The following CFI variants were observed in gnomAD, a reference collection of about 807,000 sequenced individuals.
CFI encodes C3B/C4B inactivator.
CFI carries 66 observed loss-of-function variants against 78.8 expected under a neutral mutation model. That is an observed-to-expected ratio of 0.84 (90% CI 0.69 to 1.03). The LOEUF is 1.03. Among genes scored for constraint, CFI ranks in the 50% least tolerant of loss-of-function variants. The probability of loss-of-function intolerance (pLI) is 0.00; values close to 1 mark genes in which losing one functional copy is unlikely to be tolerated. For missense variants in CFI, 706 were observed against 704.5 expected, an observed-to-expected ratio of 1.00 and a Z score of -0.02; for synonymous variants, 250 against 232.6, an observed-to-expected ratio of 1.07 and a Z score of -0.68.
chr4:109,764,418 C>T (rs1366823717), intron 3 of CFI, 119 bp downstream of exon 3: 2 of 1,126,252 alleles, frequency 1.8e-6, no homozygotes, highest in Non-Finnish European at 1.3e-6. Flanking sequence ...CTATGATGCA[C>T]ATAGTTAATT....
In CFI at chr4:109,770,096, G is replaced by A. The variant is rs560771372; in HGVS notation, c.58-3272C>T. On this transcript the variant is annotated intron_variant, in intron 1 of 12. Coordinates refer to ENST00000394634, the MANE Select transcript of CFI (RefSeq NM_000204.5). Reference sequence around the variant, plus strand: ...ACCTCACTCTGTTACATAAAATTACGGGAAGCCATTTTTTTAAACTGTACT... The same window carrying A: ...ACCTCACTCTGTTACATAAAATTACAGGAAGCCATTTTTTTAAACTGTACT... Among the ~76,000 whole-genome samples, 8 of 152,246 alleles carry A rather than the reference G, an allele frequency of 5.3e-5. No individual in the cohort carries two copies. The East Asian group carries it at 7.7e-4, about 15-fold the overall frequency.
chr4:109,786,833 A>C (rs1730808092), intron 1 of CFI, among the ~76,000 whole-genome samples: 1 of 152,152 alleles, frequency 6.6e-6, no homozygotes, highest in Admixed American at 6.5e-5. Flanking sequence ...ATAAATGTGA[A>C]TATGATAATG....
chr4:109,756,470 G>A (rs1219803765), intron 7 of CFI, among the ~76,000 whole-genome samples: 1 of 151,250 alleles, frequency 6.6e-6, no homozygotes, highest in African/African-American at 2.4e-5. Context: ...GGAGGAGGAG[G>A]AACAGCAGCT....
At chr4:109,742,964 T>C (rs1189660328) in intron 11 of CFI, among the ~76,000 whole-genome samples, 3 of 152,212 alleles carry the variant, frequency 2.0e-5, no homozygotes, top group Non-Finnish European at 4.4e-5. Context: ...CCTTATTTCC[T>C]TGAGAATGTT....
At chr4:109,766,883 T>A in intron 1 of CFI, 59 bp from the exon 2 acceptor site, 2 of 1,571,414 alleles carry the variant, frequency 1.3e-6, no homozygotes, top group Non-Finnish European at 1.7e-6. Flanking sequence ...TGTTTGAAGA[T>A]GAGTAAGTGA....
chr4:109,794,505 T>C (rs1349981411), intron 1 of CFI: 2 of 152,178 alleles, frequency 1.3e-5, no homozygotes, highest in Non-Finnish European at 2.9e-5. Flanking sequence ...AAATTTCTAT[T>C]TGTTGGCCAG....
chr4:109,790,467 T>C (rs10857001), intron 1 of CFI, among the ~76,000 whole-genome samples: 65,241 of 151,776 alleles, frequency 0.43, 15,238 homozygotes, highest in African/African-American at 0.59. Flanking sequence ...TATAGGTAAA[T>C]TTGTGCAGGT....
chr4:109,738,112 CTTTTTTTT>C (rs141891533), downstream of CFI, among the ~76,000 whole-genome samples: 10 of 130,264 alleles, frequency 7.7e-5, no homozygotes. Context: ...GAGTACTTTT[CTTTTTTTT>C]TTTTTTTTTT....
At chr4:109,738,092 T>A (rs1723470895), downstream of CFI, among the ~76,000 whole-genome samples, 1 of 150,310 alleles carries the variant, frequency 6.7e-6, no homozygotes, top group Admixed American at 6.7e-5. Flanking sequence ...TTTCCCACCT[T>A]GTAGCACTGG....
At chr4:109,760,058 G>A (rs557575652) in intron 6 of CFI, 23 of 684,012 alleles carry the variant, frequency 3.4e-5, no homozygotes, top group East Asian at 8.4e-5. Context: ...CAGTGAGACC[G>A]TCTTTTAATA....
At chr4:109,786,726 T>C (rs1440169137) in intron 1 of CFI, among the ~76,000 whole-genome samples, 1 of 152,144 alleles carries the variant, frequency 6.6e-6, no homozygotes, top group African/African-American at 2.4e-5. Flanking sequence ...GTTCCTCTTC[T>C]ATAAAATGTG....
chr4:109,770,440 C>T (rs928248809), intron 1 of CFI, among the ~76,000 whole-genome samples: 1 of 151,856 alleles, frequency 6.6e-6, no homozygotes, highest in Admixed American at 6.6e-5. Flanking sequence ...CCTGTAATCC[C>T]AGCTCCTCAG....
At chr4:109,777,806 C>T (rs1209556104) in intron 1 of CFI, among the ~76,000 whole-genome samples, 2 of 152,126 alleles carry the variant, frequency 1.3e-5, no homozygotes, top group African/African-American at 2.4e-5. Context: ...TGCAATCAAA[C>T]TAGAACTCAG....
chr4:109,793,967 C>T (rs557676967), intron 1 of CFI: 4 of 152,178 alleles, frequency 2.6e-5, no homozygotes, highest in Non-Finnish European at 5.9e-5. Context: ...CAGTTTTTTA[C>T]TTTCAACAAA....
chr4:109,738,119 T>C (rs1237517987), downstream of CFI, among the ~76,000 whole-genome samples: 24 of 150,898 alleles, frequency 1.6e-4, no homozygotes, highest in African/African-American at 5.1e-4. Flanking sequence ...TTTCTTTTTT[T>C]TTTTTTTTTT....
In CFI at chr4:109,748,562, C is replaced by T. The variant is rs183604149; in HGVS notation, c.1148+656G>A. On this transcript the variant is annotated intron_variant, in intron 10 of 12. Transcript: ENST00000394634. ...TGAGCTGAGATCTGAACAAAGGGTACGACTAAGTAGGGAAAAGGGTAAGGA... is the reference window on the plus strand; with the variant it reads ...TGAGCTGAGATCTGAACAAAGGGTATGACTAAGTAGGGAAAAGGGTAAGGA... 2.0e-3 allele frequency among the ~76,000 whole-genome samples: 305 copies of T among 152,106 alleles called. 4 individuals carry two copies. The highest frequency in any genetic ancestry group is 7.0e-3 in the African/African-American group (290 of 41,500).
At chr4:109,762,995 G>T (rs1468351378) in intron 3 of CFI, among the ~76,000 whole-genome samples, 3 of 152,056 alleles carry the variant, frequency 2.0e-5, no homozygotes, top group African/African-American at 4.8e-5. Context: ...AATAGCCTAT[G>T]GCTTAATTTA....
At chr4:109,783,979 A>G (rs1470838587) in intron 1 of CFI, among the ~76,000 whole-genome samples, 1 of 151,652 alleles carries the variant, frequency 6.6e-6, no homozygotes, top group Non-Finnish European at 1.5e-5. Context: ...GTGGAAGCTA[A>G]GTTATGAGAA....
intron 1 of CFI, among the ~76,000 whole-genome samples, chr4:109,780,142 A>C (rs905376464): frequency 4.6e-5 from 7 of 152,216 alleles, no homozygotes; most frequent in Non-Finnish European, 7.3e-5. Flanking sequence ...CAAAATTGAC[A>C]AATGGGATCT....
Sources: gnomAD v4.1 joint callset for allele counts (sites outside exome capture counted in the v4.1 genomes callset) on GRCh38, gnomAD v4.1.1 for gene constraint, MANE v1.5 for transcripts, NCBI Gene and HGNC (gene_info 2026-07-23, HGNC 2026-07-21) for gene names.